Variants in RORA observed in about 807,000 individuals in gnomAD.
RORA encodes the protein RAR related orphan receptor A, also known as nuclear receptor ROR-alpha.
In RORA, 7 loss-of-function variants were observed where a neutral mutation model predicts 69.5. The ratio of observed to expected loss-of-function variants is 0.10; its 90% CI spans 0.06 to 0.19. The LOEUF (loss-of-function observed/expected upper bound fraction) is 0.19, where lower values mean the gene tolerates loss of function less well. Ranked by LOEUF, RORA falls within the 10% of genes least tolerant of loss-of-function variation. The pLI is 1.00. For synonymous variants in RORA, 261 were observed against 240.8 expected (o/e 1.08, Z -0.78); for missense variants, 457 against 663.0 (o/e 0.69, Z 3.41).
intron 1 of RORA, among the ~76,000 whole-genome samples, chr15:60,808,667 C>T (rs776536309): frequency 3.7e-4 from 55 of 149,762 alleles, no homozygotes; most frequent in Non-Finnish European, 8.9e-5. Flanking sequence ...AGCCCAAATG[C>T]CCATCAATAT....
intron 1 of RORA, among the ~76,000 whole-genome samples, chr15:61,205,333 C>A (rs1052558196): frequency 6.6e-6 from 1 of 152,144 alleles, no homozygotes. Context: ...GAGGATATGT[C>A]CACCTTGCGT....
chr15:60,946,395 G>C (rs952223098), intron 1 of RORA, among the ~76,000 whole-genome samples: 1 of 152,200 alleles, frequency 6.6e-6, no homozygotes, highest in Non-Finnish European at 1.5e-5. Flanking sequence ...AGCCTGCCGA[G>C]TGCCTGCGAT....
At chr15:60,761,827 G>A (rs1048547934) in intron 1 of RORA, among the ~76,000 whole-genome samples, 2 of 152,040 alleles carry the variant, frequency 1.3e-5, no homozygotes, top group Admixed American at 1.3e-4. Flanking sequence ...CTTATGCACG[G>A]TTCAGTTTCA....
At chr15:60,578,461 T>C (rs1046155196) in intron 2 of RORA, among the ~76,000 whole-genome samples, 1 of 152,226 alleles carries the variant, frequency 6.6e-6, no homozygotes, top group Non-Finnish European at 1.5e-5. Flanking sequence ...TTTCAGGAGA[T>C]AACAGACTCA....
intron 1 of RORA, among the ~76,000 whole-genome samples, chr15:60,952,112 C>A (rs1166410908): frequency 2.0e-5 from 3 of 150,952 alleles, no homozygotes; most frequent in African/African-American, 7.3e-5. Context: ...GGGCTTCATC[C>A]CTGGGATGCA....
At chr15:60,500,765 A>C (rs1190065139) in intron 9 of RORA, among the ~76,000 whole-genome samples, 194 bp downstream of exon 9, 1 of 152,188 alleles carries the variant, frequency 6.6e-6, no homozygotes, top group Non-Finnish European at 1.5e-5. Flanking sequence ...GTTTTCTCAA[A>C]AGAATATATG....
intron 2 of RORA, among the ~76,000 whole-genome samples, chr15:60,556,262 AC>A (rs1204469526): frequency 6.6e-6 from 1 of 152,212 alleles, no homozygotes; most frequent in Non-Finnish European, 1.5e-5. Context: ...ACAACTGTGG[AC>A]AAGGGGATCT....
intron 10 of RORA, among the ~76,000 whole-genome samples, chr15:60,498,430 T>C (rs2065228703): frequency 6.6e-6 from 1 of 152,200 alleles, no homozygotes; most frequent in Non-Finnish European, 1.5e-5. Flanking sequence ...CACGTTTCTT[T>C]TCGATAAGGA....
intron 2 of RORA, among the ~76,000 whole-genome samples, chr15:60,676,283 C>T (rs138491800): frequency 5.7e-4 from 87 of 152,300 alleles, no homozygotes; most frequent in African/African-American, 1.9e-3. Context: ...ATACGATGGG[C>T]TGTCTGCTGA....
At chr15:60,634,399 C>CTTTTTTTTTTTTTTTTT (rs10604472) in intron 2 of RORA, among the ~76,000 whole-genome samples, 1 of 142,614 alleles carries the variant, frequency 7.0e-6, no homozygotes. Flanking sequence ...AGTGCTACCA[C>CTTTTTTTTTTTTTTTTT]TTTTTTTTTT....
At chr15:61,090,756 G>T (rs1288599715) in intron 1 of RORA, among the ~76,000 whole-genome samples, 2 of 152,126 alleles carry the variant, frequency 1.3e-5, no homozygotes, top group Non-Finnish European at 2.9e-5. Context: ...CTCTCCCGGT[G>T]AAACAGGAAT....
chr15:60,838,850 ACAC>A, intron 1 of RORA, among the ~76,000 whole-genome samples: 1 of 22,118 alleles, frequency 4.5e-5, no homozygotes, highest in East Asian at 3.3e-3. Flanking sequence ...TTCAACACAC[ACAC>A]ACACACACAC....
At chr15:61,120,424 G>C (rs929202469) in intron 1 of RORA, among the ~76,000 whole-genome samples, 2 of 152,084 alleles carry the variant, frequency 1.3e-5, no homozygotes, top group Non-Finnish European at 2.9e-5. Flanking sequence ...ACCTGGCTGG[G>C]CACGGTGGCT....
intron 1 of RORA, chr15:60,764,947 CCTGTCCTCT>C (rs1022474474): frequency 1.3e-5 from 2 of 151,976 alleles, no homozygotes; most frequent in African/African-American, 4.8e-5. Flanking sequence ...GAACCAGAAG[CCTGTCCTCT>C]CGGTGGTATG....
At chr15:60,894,205 C>G (rs558378828) in intron 1 of RORA, among the ~76,000 whole-genome samples, 74 of 152,322 alleles carry the variant, frequency 4.9e-4, no homozygotes, top group Middle Eastern at 6.8e-3. Flanking sequence ...GGCAAAGCCG[C>G]TTCAGCGATC....
chr15:60,874,784 G>T (rs1340066707), intron 1 of RORA, among the ~76,000 whole-genome samples: 2 of 152,178 alleles, frequency 1.3e-5, no homozygotes, highest in African/African-American at 2.4e-5. Flanking sequence ...ATGGTTAAAA[G>T]TGTGGCCTCT....
chr15:60,965,865 A>G (rs1259890039), intron 1 of RORA, among the ~76,000 whole-genome samples: 3 of 152,092 alleles, frequency 2.0e-5, no homozygotes. Context: ...ACCCTCCCCA[A>G]TCAGGCCAGT....
intron 1 of RORA, among the ~76,000 whole-genome samples, chr15:61,031,089 T>C (rs1244663690): frequency 6.6e-6 from 1 of 152,158 alleles, no homozygotes; most frequent in Non-Finnish European, 1.5e-5. Flanking sequence ...TATTTACAAA[T>C]TGTCACTCTC....
intron 1 of RORA, among the ~76,000 whole-genome samples, chr15:60,688,211 C>A (rs879663696): frequency 2.0e-5 from 3 of 148,830 alleles, no homozygotes; most frequent in Admixed American, 1.3e-4. Flanking sequence ...TTATGAGAAA[C>A]AAAAAAATTC....
Sources: gnomAD v4.1 joint callset for allele counts (sites outside exome capture counted in the v4.1 genomes callset) on GRCh38, gnomAD v4.1.1 for gene constraint, MANE v1.5 for transcripts, NCBI Gene and HGNC (gene_info 2026-07-23, HGNC 2026-07-21) for gene names.